Variants in FCHSD2 observed in about 807,000 individuals in gnomAD.
FCHSD2 encodes the protein FCH and double SH3 domains 2, also known as F-BAR and double SH3 domains protein 2.
FCHSD2 carries 38 observed loss-of-function variants against 108.1 expected under a neutral mutation model. That is an observed-to-expected ratio of 0.35 (90% confidence interval 0.27 to 0.46). FCHSD2 has a LOEUF of 0.46. FCHSD2 is among the 20% of genes least tolerant of loss of function. The pLI, the probability that FCHSD2 is intolerant of heterozygous loss-of-function variation, is 1.00. For synonymous variants in FCHSD2, 279 were observed against 314.7 expected (o/e 0.89, Z 1.20); for missense variants, 751 against 897.8 (o/e 0.84, Z 2.09).
At chr11:72,971,847 C>G (rs1481017031) in intron 8 of FCHSD2, among the ~76,000 whole-genome samples, 1 of 152,136 alleles carries the variant, frequency 6.6e-6, no homozygotes, top group Non-Finnish European at 1.5e-5. Flanking sequence ...TTTAAAACGT[C>G]TAAGTTTGTG....
chr11:72,875,393 C>T (rs569228882), intron 12 of FCHSD2, among the ~76,000 whole-genome samples: 82 of 152,314 alleles, frequency 5.4e-4, no homozygotes, highest in South Asian at 2.7e-3. Flanking sequence ...GACAGAGTCT[C>T]GCTCTGCTGC....
At chr11:73,091,277 G>A (rs151065029) in intron 2 of FCHSD2, among the ~76,000 whole-genome samples, 23 of 152,280 alleles carry the variant, frequency 1.5e-4, no homozygotes, top group African/African-American at 5.1e-4. Flanking sequence ...GGTGGCTCAC[G>A]CCTGTAATCT....
At chr11:73,128,477 G>A (rs1024400327) in intron 2 of FCHSD2, among the ~76,000 whole-genome samples, 78 of 151,930 alleles carry the variant, frequency 5.1e-4, no homozygotes, top group Admixed American at 5.0e-3. Flanking sequence ...AGCATATGAC[G>A]CAAACACAGA....
At chr11:72,902,756 T>C in intron 9 of FCHSD2, 118 bp from the exon 10 acceptor site, 1 of 607,250 alleles carries the variant, frequency 1.6e-6, no homozygotes, top group East Asian at 2.9e-5. Flanking sequence ...TCCAACACTG[T>C]GGTAAAAAAG....
At chr11:72,890,413 C>A (rs1427573442) in intron 10 of FCHSD2, among the ~76,000 whole-genome samples, 1 of 152,008 alleles carries the variant, frequency 6.6e-6, no homozygotes, top group African/African-American at 2.4e-5. Flanking sequence ...AATCTTGCAC[C>A]CCTCCCCCTG....
At chr11:72,902,900 C>T (rs1402441840) in intron 9 of FCHSD2, among the ~76,000 whole-genome samples, 1 of 151,980 alleles carries the variant, frequency 6.6e-6, no homozygotes, top group African/African-American at 2.4e-5. Flanking sequence ...ATATATAATA[C>T]CTTAAGAAAG....
intron 4 of FCHSD2, 66 bp downstream of exon 4, chr11:73,015,743 T>G (rs1162022270): frequency 2.3e-5 from 21 of 901,420 alleles, no homozygotes; most frequent in Non-Finnish European, 3.7e-5. Context: ...TGTTACATTA[T>G]CTATATGTAA....
intron 3 of FCHSD2, among the ~76,000 whole-genome samples, chr11:73,018,782 T>C (rs993649962): frequency 1.3e-5 from 2 of 152,212 alleles, no homozygotes; most frequent in African/African-American, 4.8e-5. Context: ...GTGGCTTTAA[T>C]ATAATAAATT....
chr11:72,850,384 T>A (rs981237682), intron 13 of FCHSD2, among the ~76,000 whole-genome samples: 26 of 149,932 alleles, frequency 1.7e-4, no homozygotes, highest in African/African-American at 5.2e-4. Context: ...GATTTTTTTT[T>A]ATTTTATTTT....
chr11:72,897,455 G>C (rs1409792114), intron 10 of FCHSD2, among the ~76,000 whole-genome samples: 1 of 151,818 alleles, frequency 6.6e-6, no homozygotes, highest in Admixed American at 6.6e-5. Context: ...TTATAATCTA[G>C]TGATGATTTA....
chr11:73,096,987 A>ATTTTTTTTTTTGTTTTTTTTTTT (rs1860097694), intron 2 of FCHSD2, among the ~76,000 whole-genome samples: 1 of 27,020 alleles, frequency 3.7e-5, no homozygotes, highest in Non-Finnish European at 5.6e-5. Context: ...TCATTGATGG[A>ATTTTTTTTTTTGTTTTTTTTTTT]TTTTTTTTTT....
chr11:72,970,377 C>G (rs1307616250), intron 8 of FCHSD2, among the ~76,000 whole-genome samples: 1 of 152,042 alleles, frequency 6.6e-6, no homozygotes, highest in African/African-American at 2.4e-5. Flanking sequence ...TCTAAAAGCC[C>G]TACAATAAAA....
intron 13 of FCHSD2, among the ~76,000 whole-genome samples, chr11:72,861,643 G>C (rs11235608): frequency 0.95 from 144,806 of 152,290 alleles, 69,151 homozygotes; most frequent in East Asian, 1. Context: ...TATATAGAAA[G>C]GATAGGCCGG....
At chr11:73,013,922 A>G (rs890430395) in intron 4 of FCHSD2, among the ~76,000 whole-genome samples, 57 of 152,060 alleles carry the variant, frequency 3.7e-4, no homozygotes, top group African/African-American at 1.4e-3. Flanking sequence ...CTAACTATCT[A>G]TAAGTTGGAT....
rs1451532982 is a variant in FCHSD2 at position 73,142,212 on chromosome 11, G to A, written c.-335C>T. The stretch of plus-strand genomic sequence containing the variant: ...AGGGTCTCAGCCGGCCGGGCGGCGG[G>A]TTAGCCGCAGCCGCGTTGTCCGCGC... On this transcript the variant is annotated 5_prime_UTR_variant, in exon 1 of 20. Coordinates refer to ENST00000409418, the MANE Select transcript of FCHSD2 (RefSeq NM_014824.3). 5.8e-6 allele frequency: 1 copy of A among 172,662 alleles called. No homozygotes were observed. 10.7% of individuals were successfully genotyped at this position (172,662 alleles called of 1,614,324 possible).
At position 72,873,654 on chromosome 11, in the gene FCHSD2, A is replaced by C. The variant is rs545074194; in HGVS notation, c.1147-5628T>G. 7.5e-4 allele frequency among the ~76,000 whole-genome samples: 114 copies of C among 152,292 alleles called. 2 individuals carry two copies. In the Middle Eastern group the frequency reaches 0.01, roughly 14 times the overall value. On this transcript the variant is annotated intron_variant, in intron 12 of 19. Transcript: ENST00000409418. ...GTGTTATATCTAAGAAACTAATCCA[A>C]GGCCACAAAGACTTACCCCTGTGGT...
At chr11:73,063,449 A>C (rs546300665) in intron 3 of FCHSD2, among the ~76,000 whole-genome samples, 1 of 152,344 alleles carries the variant, frequency 6.6e-6, no homozygotes, top group African/African-American at 2.4e-5. Context: ...TATTAACCTT[A>C]AATGTAAATG....
At chr11:73,033,657 CAA>C (rs1216226832) in intron 3 of FCHSD2, among the ~76,000 whole-genome samples, 1 of 152,034 alleles carries the variant, frequency 6.6e-6, no homozygotes, top group East Asian at 1.9e-4. Context: ...ATTAAATACT[CAA>C]ACTATGGAAT....
intron 9 of FCHSD2, among the ~76,000 whole-genome samples, chr11:72,919,262 G>A (rs1591398267): frequency 6.6e-6 from 1 of 152,036 alleles, no homozygotes. Flanking sequence ...GGAACAAAAG[G>A]GCACTACATT....
Sources: allele counts gnomAD v4.1 joint callset (sites outside exome capture counted in the v4.1 genomes callset), GRCh38; gene constraint gnomAD v4.1.1; transcripts MANE v1.5; gene names NCBI Gene and HGNC (gene_info 2026-07-23, HGNC 2026-07-21).